Variants in RANBP2 observed in about 807,000 individuals in gnomAD.
RANBP2 encodes RAN binding protein 2, also known as E3 SUMO-protein ligase RanBP2.
In RANBP2, 57 loss-of-function variants were observed where a neutral mutation model predicts 303.6. The observed-to-expected ratio is 0.19, with a 90% CI of 0.15 to 0.23. The LOEUF (loss-of-function observed/expected upper bound fraction) is 0.23. Among genes scored for constraint, RANBP2 ranks in the 10% least tolerant of loss-of-function variants. RANBP2 has a pLI of 1.00. For missense variants in RANBP2, 3,138 were observed against 3,780.8 expected (o/e 0.83, Z 4.46); for synonymous variants, 1,167 against 1,301.5 (o/e 0.90, Z 2.23).
At chr2:109,517,779 C>T in the RANBP2 span, among the ~76,000 whole-genome samples, 4 of 152,202 alleles carry the variant, frequency 2.6e-5, no homozygotes, top group African/African-American at 4.8e-5. Context: ...CCAGTGCTGT[C>T]GAGAGCCTGG....
chr2:108,980,780 C>T, the RANBP2 span, among the ~76,000 whole-genome samples: 1 of 152,078 alleles, frequency 6.6e-6, no homozygotes, highest in Non-Finnish European at 1.5e-5. Context: ...TCAGTGTGGC[C>T]AGAGTGGGGT....
chr2:109,197,184 G>T, the RANBP2 span, among the ~76,000 whole-genome samples: 1 of 152,194 alleles, frequency 6.6e-6, no homozygotes, highest in Non-Finnish European at 1.5e-5. Flanking sequence ...CAGGAAGGCG[G>T]TAGTCTTGTT....
the RANBP2 span, among the ~76,000 whole-genome samples, chr2:109,296,071 C>T: frequency 6.6e-6 from 1 of 152,100 alleles, no homozygotes; most frequent in Non-Finnish European, 1.5e-5. Context: ...CCCTTCCCTG[C>T]CCCAGCCAGG....
At chr2:109,224,908 A>G in the RANBP2 span, among the ~76,000 whole-genome samples, 2 of 152,238 alleles carry the variant, frequency 1.3e-5, no homozygotes, top group Non-Finnish European at 2.9e-5. Context: ...AAATTTAAAT[A>G]ATTACCTGTG....
At chr2:109,107,496 G>A in the RANBP2 span, among the ~76,000 whole-genome samples, 4 of 152,114 alleles carry the variant, frequency 2.6e-5, no homozygotes, top group Admixed American at 1.3e-4. Flanking sequence ...GTGATGACAT[G>A]CCTCTGCCAT....
intron 18 of RANBP2, among the ~76,000 whole-genome samples, chr2:108,760,543 A>G (rs1676654094): frequency 6.6e-6 from 1 of 152,170 alleles, no homozygotes; most frequent in Admixed American, 6.6e-5. Context: ...TCTTACCACT[A>G]GTATCTGATA....
the RANBP2 span, among the ~76,000 whole-genome samples, chr2:109,569,847 G>A: frequency 2.0e-5 from 3 of 151,994 alleles, no homozygotes; most frequent in Non-Finnish European, 4.4e-5. Context: ...CACCAATGGC[G>A]TAAGAGAAGA....
At chr2:108,888,114 G>A in the RANBP2 span, among the ~76,000 whole-genome samples, 1 of 152,100 alleles carries the variant, frequency 6.6e-6, no homozygotes, top group Admixed American at 6.5e-5. Context: ...TGCATCTGTT[G>A]AGATGATCAT....
At chr2:109,740,629 G>T in the RANBP2 span, among the ~76,000 whole-genome samples, 1 of 152,060 alleles carries the variant, frequency 6.6e-6, no homozygotes, top group East Asian at 1.9e-4. Flanking sequence ...TACAAAGCAT[G>T]TAACATTTTC....
the RANBP2 span, among the ~76,000 whole-genome samples, chr2:109,270,200 G>A: frequency 1.3e-5 from 2 of 152,190 alleles, no homozygotes; most frequent in Non-Finnish European, 2.9e-5. Context: ...GGGGCAGCAT[G>A]TGGCCTGTCA....
the RANBP2 span, chr2:109,737,324 T>G: frequency 2.9e-6 from 2 of 682,668 alleles, no homozygotes; most frequent in South Asian, 1.7e-5. Flanking sequence ...ATCTTGCTCT[T>G]GCTCCTTTTG....
the RANBP2 span, among the ~76,000 whole-genome samples, chr2:109,228,944 C>G: frequency 1.3e-5 from 2 of 152,186 alleles, no homozygotes; most frequent in Non-Finnish European, 2.9e-5. Context: ...GCTGAAAACT[C>G]CAAGTTTCTG....
the RANBP2 span, among the ~76,000 whole-genome samples, chr2:109,294,358 C>T: frequency 9.2e-5 from 14 of 152,002 alleles, no homozygotes; most frequent in East Asian, 2.3e-3. Flanking sequence ...TCCAGGAGCT[C>T]GAGACCAGCT....
chr2:108,919,490 C>T, the RANBP2 span, among the ~76,000 whole-genome samples: 1 of 152,158 alleles, frequency 6.6e-6, no homozygotes, highest in Non-Finnish European at 1.5e-5. Context: ...TCCCGAGTAG[C>T]TGGGATTACA....
chr2:109,052,322 G>A, the RANBP2 span, among the ~76,000 whole-genome samples: 4 of 152,094 alleles, frequency 2.6e-5, no homozygotes, highest in Non-Finnish European at 4.4e-5. Flanking sequence ...AAAAATAAAC[G>A]CAGATGGTAC....
At chr2:108,890,771 G>C in the RANBP2 span, among the ~76,000 whole-genome samples, 1 of 151,956 alleles carries the variant, frequency 6.6e-6, no homozygotes, top group Non-Finnish European at 1.5e-5. Flanking sequence ...CCTTTTCTCT[G>C]TCTCTTTACT....
At chr2:108,853,610 T>C in the RANBP2 span, among the ~76,000 whole-genome samples, 20 of 150,528 alleles carry the variant, frequency 1.3e-4, no homozygotes, top group Non-Finnish European at 2.7e-4. Context: ...TACCACAACC[T>C]TGAACTCCTG....
chr2:109,288,159 G>T, the RANBP2 span, among the ~76,000 whole-genome samples: 1 of 152,350 alleles, frequency 6.6e-6, no homozygotes. Flanking sequence ...TTTCCAAGAA[G>T]AACTCAAACT....
the RANBP2 span, chr2:108,816,135 C>T: frequency 6.6e-7 from 1 of 1,507,846 alleles, no homozygotes. Flanking sequence ...ATATGTGATT[C>T]AGAATATATG....
Sources: gnomAD v4.1 joint callset for allele counts (sites outside exome capture counted in the v4.1 genomes callset) on GRCh38, gnomAD v4.1.1 for gene constraint, MANE v1.5 for transcripts, NCBI Gene and HGNC (gene_info 2026-07-23, HGNC 2026-07-21) for gene names.